CD99: variants seen among roughly 807,000 people sequenced by gnomAD.
CD99 encodes CD99 antigen.
In CD99, 19 loss-of-function variants were observed where a neutral mutation model predicts 28.4. That is an observed-to-expected ratio of 0.67 (90% CI 0.47 to 0.98). The LOEUF (loss-of-function observed/expected upper bound fraction) is 0.98, where lower values mean the gene tolerates loss of function less well. Ranked by LOEUF, CD99 falls within the 50% of genes least tolerant of loss-of-function variation. The pLI, the probability that CD99 is intolerant of heterozygous loss-of-function variation, is 0.00. For missense variants in CD99, 283 were observed against 248.8 expected, an observed-to-expected ratio of 1.14 and a Z score of -0.92; for synonymous variants, 103 against 92.1, an observed-to-expected ratio of 1.12 and a Z score of -0.67.
intron 8 of CD99, chrX:2,727,181 T>C (rs1281371740): frequency 1.4e-6 from 1 of 716,938 alleles, no homozygotes. Flanking sequence ...ATTCCCTTTC[T>C]GTTAGTACCG....
At chrX:2,693,150 G>GTGGTTT (rs770862071) in intron 1 of CD99, among the ~76,000 whole-genome samples, 1,515 of 147,060 alleles carry the variant, frequency 0.01, 26 homozygotes, top group African/African-American at 0.035. Flanking sequence ...GGTGGTGGTG[G>GTGGTTT]TTTTTTTTTT....
At chrX:2,728,593 C>T (rs547558383) in intron 8 of CD99, among the ~76,000 whole-genome samples, 6 of 152,196 alleles carry the variant, frequency 3.9e-5, no homozygotes, top group East Asian at 1.9e-4. Context: ...ATTAGAATCA[C>T]GTTGGAAAAA....
At chrX:2,717,871 T>C (rs2048805238) in intron 3 of CD99, 1 of 589,734 alleles carries the variant, frequency 1.7e-6, no homozygotes, top group Non-Finnish European at 3.1e-6. Context: ...TCGGGGCCAT[T>C]TGGACAACAT....
chrX:2,713,172 A>T, intron 1 of CD99, among the ~76,000 whole-genome samples: 1 of 152,082 alleles, frequency 6.6e-6, no homozygotes, highest in Admixed American at 6.6e-5. Flanking sequence ...ACACACATGC[A>T]CACATAACAC....
chrX:2,740,599 T>C (rs1205888112), intron 9 of CD99, 180 bp from the exon 10 acceptor site: 4 of 166,998 alleles, frequency 2.4e-5, no homozygotes, highest in Non-Finnish European at 4.9e-5. Context: ...ATGAATGGCA[T>C]CATTCAATGA....
intron 1 of CD99, among the ~76,000 whole-genome samples, chrX:2,709,484 T>C (rs192372628): frequency 4.1e-4 from 63 of 152,296 alleles, no homozygotes; most frequent in African/African-American, 1.5e-3. Context: ...TGCAAACAGG[T>C]GTGCATTCAG....
chrX:2,711,377 GTATATAGTATGTGTA>G (rs1027596937), intron 1 of CD99, among the ~76,000 whole-genome samples: 33 of 147,578 alleles, frequency 2.2e-4, no homozygotes, highest in African/African-American at 7.8e-4. Flanking sequence ...CAGTATGTAT[GTATATAGTATGTGTA>G]TATATAGTAT....
chrX:2,720,520 C>A, intron 5 of CD99, 96 bp downstream of exon 5: 2 of 1,168,160 alleles, frequency 1.7e-6, no homozygotes, highest in Non-Finnish European at 2.6e-6. Flanking sequence ...TGAGTGTGTG[C>A]TTACTGTTGA....
At chrX:2,719,749 T>C (rs369652479) in intron 4 of CD99, 44 bp downstream of exon 4, 12 of 1,553,452 alleles carry the variant, frequency 7.7e-6, no homozygotes, top group Non-Finnish European at 1.1e-5. Flanking sequence ...ATCTGCTTAT[T>C]ATCACCCAAT....
chrX:2,696,770 A>G (rs1287765876), intron 1 of CD99, among the ~76,000 whole-genome samples: 3 of 152,132 alleles, frequency 2.0e-5, no homozygotes, highest in Non-Finnish European at 4.4e-5. Flanking sequence ...TCACATCTCT[A>G]GAGACCAGAA....
rs2047765257 is a variant in CD99, at chrX:2,699,881, C to T, written c.67+8454C>T. Among the ~76,000 whole-genome samples, 6 of 152,182 alleles carry T rather than the reference C, an allele frequency of 3.9e-5. No homozygotes were observed. The South Asian group carries it at 6.2e-4, about 16-fold the overall frequency. Reference sequence around the variant, plus strand: ...CATGAGATTTCCCATGACCGCCTCTCGGATGTGAATGTCTATGCCATGGAT... The same window carrying T: ...CATGAGATTTCCCATGACCGCCTCTTGGATGTGAATGTCTATGCCATGGAT... On this transcript the variant is annotated intron_variant, in intron 1 of 9. Transcript: ENST00000381192.
intron 3 of CD99, chrX:2,719,236 C>T (rs2048881565): frequency 1.6e-5 from 3 of 189,542 alleles, no homozygotes; most frequent in South Asian, 1.2e-4. Flanking sequence ...CATCTGTCCC[C>T]TTCTCTTAGG....
intron 7 of CD99, 44 bp downstream of exon 7, chrX:2,723,408 G>A (rs201814681): frequency 1.9e-6 from 3 of 1,603,278 alleles, no homozygotes; most frequent in East Asian, 2.2e-5. Context: ...CCCACGTGGT[G>A]TTGAGAAGGG....
intron 8 of CD99, among the ~76,000 whole-genome samples, chrX:2,734,496 G>A (rs759287821): frequency 5.9e-5 from 9 of 151,832 alleles, no homozygotes; most frequent in East Asian, 1.9e-4. Context: ...TAGTAGAGAC[G>A]GGGTTTCTCC....
At chrX:2,735,206 C>T (rs891169496) in intron 8 of CD99, among the ~76,000 whole-genome samples, 8 of 152,184 alleles carry the variant, frequency 5.3e-5, no homozygotes, top group Admixed American at 1.3e-4. Flanking sequence ...TGGCCCCAAG[C>T]ACACGGTGTG....
At chrX:2,733,514 C>T (rs1176271799) in intron 8 of CD99, 1 of 856,860 alleles carries the variant, frequency 1.2e-6, no homozygotes, top group East Asian at 2.7e-5. Context: ...ATGGGATTCT[C>T]AATCACATGG....
At chrX:2,704,275 A>G (rs1434765751) in intron 1 of CD99, among the ~76,000 whole-genome samples, 12 of 152,102 alleles carry the variant, frequency 7.9e-5, no homozygotes, top group Non-Finnish European at 4.4e-5. Context: ...TACCAAACAT[A>G]TTGTAAAATT....
At position 2,741,044 on chromosome X, in the gene CD99, G is replaced by T. The variant is rs2050166338; in HGVS notation, c.*240G>T. On this transcript the variant is annotated 3_prime_UTR_variant, in exon 10 of 10. Coordinates refer to ENST00000381192, the MANE Select transcript of CD99 (RefSeq NM_002414.5). ...ACCCCCATTCTCCAAGGCCCGGGGG[G>T]GCGGTTTCCCATGGGATGTGAAAGG... is the stretch of plus-strand genomic sequence containing the variant. The T allele has an allele frequency of 8.7e-6, 5 of 573,632 alleles. No individual in the cohort carries two copies. Among genetic ancestry groups the T allele is most frequent in the South Asian group, 6.9e-5 (3 of 43,602 alleles). 35.5% of individuals were successfully genotyped at this position (573,632 alleles called of 1,614,324 possible).
At chrX:2,714,341 G>T in intron 1 of CD99, 81 bp from the exon 2 acceptor site, 1 of 1,121,694 alleles carries the variant, frequency 8.9e-7, no homozygotes. Context: ...AAGAAAAATC[G>T]CATATCTTTT....
Sources: gnomAD v4.1 joint callset for allele counts (sites outside exome capture counted in the v4.1 genomes callset) on GRCh38, gnomAD v4.1.1 for gene constraint, MANE v1.5 for transcripts, NCBI Gene and HGNC (gene_info 2026-07-23, HGNC 2026-07-21) for gene names.